Variants in UNC13B observed in about 807,000 individuals in gnomAD.
UNC13B encodes the protein unc-13 homolog B.
Under a neutral mutation model 211.0 loss-of-function variants are expected in UNC13B, and 144 were observed. That is an observed-to-expected ratio of 0.68 (90% CI 0.60 to 0.78). The LOEUF is 0.78. Ranked by LOEUF, UNC13B falls within the 30% of genes least tolerant of loss-of-function variation. The probability of loss-of-function intolerance (pLI) is 0.00; values close to 1 mark genes in which losing one functional copy is unlikely to be tolerated. For synonymous variants in UNC13B, 709 were observed against 725.8 expected (o/e 0.98, Z 0.37); for missense variants, 1,777 against 2,002.0 (o/e 0.89, Z 2.14).
At chr9:35,179,097 A>C (rs1821793884) in intron 1 of UNC13B, among the ~76,000 whole-genome samples, 1 of 152,104 alleles carries the variant, frequency 6.6e-6, no homozygotes, top group African/African-American at 2.4e-5. Flanking sequence ...AGCTGAATTT[A>C]CTTTTTTTGC....
At chr9:35,284,794 G>A (rs1828699987) in intron 7 of UNC13B, among the ~76,000 whole-genome samples, 1 of 152,154 alleles carries the variant, frequency 6.6e-6, no homozygotes, top group East Asian at 1.9e-4. Context: ...CTACAATTTA[G>A]TAGTTGATAG....
Position 35,301,068 on chromosome 9 carries a change from C to T in UNC13B, c.1664C>T (p.Thr555Ile), listed in dbSNP as rs1829657113. The T allele has an allele frequency of 5.0e-6, 2 of 398,880 alleles. No individual in the cohort carries two copies. The highest frequency in any genetic ancestry group is 8.9e-6 in the Non-Finnish European group (2 of 225,962). The allele number at this position is 398,880 out of a possible 1,614,324, so 24.7% of individuals were successfully genotyped here. A position where few individuals can be genotyped will look rare whatever the true frequency, so the allele number is the denominator to read the frequency against. ...GTGGGTTCAGGCACAAAGCATCTAA[C>T]AAACTCTGTGGAAAAGTTGGTTTCC... The part of the protein sequence containing the change: ...EKVGSGTKHL[T>I]NSVEKLVSLV... The change falls in exon 9 of 40, where the codon ACA (threonine) becomes ATA (isoleucine). Residue 555 changes from threonine to isoleucine, a missense_variant. Transcript: ENST00000635942.
At chr9:35,346,817 C>G (rs77383680) in intron 11 of UNC13B, among the ~76,000 whole-genome samples, 4,813 of 152,294 alleles carry the variant, frequency 0.032, 125 homozygotes, top group South Asian at 0.11. Flanking sequence ...CCTACTTACC[C>G]CATCCCAGCT....
intron 26 of UNC13B, among the ~76,000 whole-genome samples, chr9:35,393,621 G>C (rs1456211370): frequency 6.7e-6 from 1 of 148,770 alleles, no homozygotes; most frequent in Non-Finnish European, 1.5e-5. Flanking sequence ...ACCCAGGCTG[G>C]AGTGCAGTGG....
At position 35,308,008 on chromosome 9, in the gene UNC13B, C is replaced by T. The variant is rs937111227; in HGVS notation, c.8604C>T (p.Ser2868=). The T allele has an allele frequency of 2.5e-6, 1 of 399,070 alleles. No individual in the cohort carries two copies. The highest frequency in any genetic ancestry group is 4.4e-6 in the Non-Finnish European group (1 of 226,114). 24.7% of individuals were successfully genotyped at this position (399,070 alleles called of 1,614,324 possible). ...CCTCCCCTCCAGTTTTAGTTACTAG[C>T]AGTGATCAGGACCTTAACTCCAGTG... ...TESSPPVLVT[S]SDQDLNSSEA... Residue 2868 remains serine (S), a synonymous_variant, in exon 9 of 40, where the codon AGC becomes AGT. Transcript: ENST00000635942.
At chr9:35,242,880 CAA>C (rs1255321372) in intron 5 of UNC13B, among the ~76,000 whole-genome samples, 2 of 152,158 alleles carry the variant, frequency 1.3e-5, no homozygotes, top group Admixed American at 6.6e-5. Flanking sequence ...TTGAGCATCT[CAA>C]TATCTCAGCA....
At position 35,370,301 on chromosome 9, in the gene UNC13B, T is replaced by C. The variant is rs770749047; in HGVS notation, c.9462-17T>C. On this transcript the variant is annotated splice_polypyrimidine_tract_variant and intron_variant, in intron 12 of 39. Transcript: ENST00000635942. ...AAGCAAGACTGACGGTCCTGACATATTTTCTTCTCTCCTCAGGCCAGCCGG... is the reference window on the plus strand; with the variant it reads ...AAGCAAGACTGACGGTCCTGACATACTTTCTTCTCTCCTCAGGCCAGCCGG... 16 of 1,612,786 alleles carry C rather than the reference T, an allele frequency of 9.9e-6. No homozygotes were observed. In the African/African-American group the frequency reaches 1.7e-4, roughly 17 times the overall value.
At position 35,188,466 on chromosome 9, in the gene UNC13B, C is replaced by T. The variant is rs373380355; in HGVS notation, c.22+26161C>T. 7.7e-4 allele frequency among the ~76,000 whole-genome samples: 117 copies of T among 152,290 alleles called. 2 individuals are homozygous for T. In the South Asian group the frequency reaches 0.019, roughly 25 times the overall value. Reference sequence around the variant, plus strand: ...TTAGAAGTCACATGCAATTTTGGAACATATATTAGTATTCACCAAAATATA... The same window carrying T: ...TTAGAAGTCACATGCAATTTTGGAATATATATTAGTATTCACCAAAATATA... On this transcript the variant is annotated intron_variant, in intron 1 of 39. Coordinates refer to ENST00000635942, the MANE Select transcript of UNC13B (RefSeq NM_001371189.2).
rs773183539 is a variant in UNC13B at position 35,381,665 on chromosome 9, T to C, written c.10601T>C (p.Ile3534Thr). The change falls in exon 20 of 40, where the codon ATT (isoleucine) becomes ACT (threonine). Residue 3534 changes from isoleucine (I) to threonine (T), a missense_variant. Transcript: ENST00000635942. ...KVYFDETAQEIVDEFAMRYGI... is the reference protein window; with the variant it reads ...KVYFDETAQETVDEFAMRYGI... Reference sequence around the variant, plus strand: ...TACTTTGATGAGACAGCCCAAGAAATTGTGGATGAATTTGCCATGCGTTAT... The same window carrying C: ...TACTTTGATGAGACAGCCCAAGAAACTGTGGATGAATTTGCCATGCGTTAT... The C allele has an allele frequency of 1.2e-6, 2 of 1,614,132 alleles. No homozygotes were observed. The highest frequency in any genetic ancestry group is 2.2e-5 in the South Asian group (2 of 91,076).
rs1824956067 is a variant in UNC13B, at chr9:35,228,001, T to G, written c.23-14T>G. On this transcript the variant is annotated splice_polypyrimidine_tract_variant and intron_variant, in intron 1 of 39. Transcript: ENST00000635942. ...GGAAACATTCTTCATGGTATCCTCTTTTTTCTCTTGCAGTTAAAAGGGCCA... is the reference window on the plus strand; with the variant it reads ...GGAAACATTCTTCATGGTATCCTCTGTTTTCTCTTGCAGTTAAAAGGGCCA... 1 of 1,611,510 alleles carries G rather than the reference T, an allele frequency of 6.2e-7. No homozygotes were observed. Among genetic ancestry groups the G allele is most frequent in the East Asian group, 2.2e-5 (1 of 44,742 alleles).
Position 35,272,198 on chromosome 9 carries a change from A to C in UNC13B, c.526+13148A>C, listed in dbSNP as rs1827922507. On this transcript the variant is annotated intron_variant, in intron 7 of 39. Transcript: ENST00000635942. ...TATGTACGTAGAAAAACCACAAGGA[A>C]ATATAATTTTTTTGTTTTTTTTTTT... Among the ~76,000 whole-genome samples the C allele has an allele frequency of 2.3e-5, 3 of 132,896 alleles. No homozygotes were observed. The South Asian group carries it at 7.7e-4, about 34-fold the overall frequency. 87.2% of individuals were successfully genotyped at this position (132,896 alleles called of 152,430 possible).
In UNC13B at chr9:35,399,205, G is replaced by A. The variant is rs369779966; in HGVS notation, c.12119G>A (p.Arg4040His). The change falls in exon 34 of 40, where the codon CGT becomes CAT. Residue 4040 changes from arginine to histidine, a missense_variant. Transcript: ENST00000635942. ...ATVCEKTVLKRVLKELWRVVM... is the reference protein window; with the variant it reads ...ATVCEKTVLKHVLKELWRVVM... ...GTGTGTGAGAAGACGGTTCTGAAGCGTGTACTGAAGGAGCTCTGGCGCGTG... is the reference window on the plus strand; with the variant it reads ...GTGTGTGAGAAGACGGTTCTGAAGCATGTACTGAAGGAGCTCTGGCGCGTG... 5.4e-5 allele frequency: 87 copies of A among 1,614,128 alleles called. 1 individual carries two copies. The highest frequency in any genetic ancestry group is 3.5e-4 in the South Asian group (32 of 91,078).
intron 10 of UNC13B, among the ~76,000 whole-genome samples, chr9:35,312,084 A>G (rs1587596183): frequency 6.6e-6 from 1 of 152,178 alleles, no homozygotes; most frequent in East Asian, 1.9e-4. Flanking sequence ...CAGTTGTGAC[A>G]ATTAAAACTG....
In UNC13B at chr9:35,310,599, C is replaced by A; in HGVS notation, c.9141C>A (p.Ser3047Arg). 1 of 1,614,076 alleles carries A rather than the reference C, an allele frequency of 6.2e-7. No homozygotes were observed. The highest frequency in any genetic ancestry group is 1.1e-5 in the South Asian group (1 of 91,056). ...RETDSIHSCH[S>R]SHSLSRDGQA... Reference sequence around the variant, plus strand: ...CGGACTCGATTCATTCTTGCCACAGCTCTCACAGCCTGTCCAGAGATGGCC... The same window carrying A: ...CGGACTCGATTCATTCTTGCCACAGATCTCACAGCCTGTCCAGAGATGGCC... The change falls in exon 10 of 40, where the codon AGC becomes AGA. Residue 3047 changes from serine (S) to arginine (R), a missense_variant. Physicochemically the swap from Ser to Arg is moderately radical, Grantham distance 110 (BLOSUM62 -1). Transcript: ENST00000635942.
At chr9:35,273,932 A>G (rs1229404326) in intron 7 of UNC13B, among the ~76,000 whole-genome samples, 1 of 152,178 alleles carries the variant, frequency 6.6e-6, no homozygotes, top group African/African-American at 2.4e-5. Context: ...TGGACCCACC[A>G]CAGCCAGAGG....
At chr9:35,228,556 C>T (rs923548270) in intron 2 of UNC13B, among the ~76,000 whole-genome samples, 8 of 151,798 alleles carry the variant, frequency 5.3e-5, no homozygotes, top group African/African-American at 1.9e-4. Context: ...TCATGTCTTG[C>T]AGTTCATGAA....
intron 11 of UNC13B, among the ~76,000 whole-genome samples, chr9:35,359,597 C>T (rs1302808281): frequency 6.6e-6 from 1 of 152,202 alleles, no homozygotes; most frequent in African/African-American, 2.4e-5. Context: ...GTCTTTCTTA[C>T]CCATGAGTGG....
In UNC13B at chr9:35,377,622, G is replaced by T. The variant is rs1312800026; in HGVS notation, c.9990G>T (p.Val3330=). The change falls in exon 16 of 40, where the codon GTG becomes GTT. Residue 3330 remains valine, a synonymous_variant. Transcript: ENST00000635942. ...DVFTVNKAAH[V]QQMKTVKQSV... is the part of the protein sequence containing the mutation. ...TCACAGTGAACAAAGCTGCCCATGT[G>T]CAGCAGATGAAAACAGTGAAGCAGA... 1 of 1,614,212 alleles carries T rather than the reference G, an allele frequency of 6.2e-7. No individual in the cohort carries two copies. The highest frequency in any genetic ancestry group is 1.3e-5 in the African/African-American group (1 of 75,072).
chr9:35,259,898 AT>A (rs1476873396), intron 7 of UNC13B, among the ~76,000 whole-genome samples: 1 of 151,432 alleles, frequency 6.6e-6, no homozygotes, highest in Non-Finnish European at 1.5e-5. Flanking sequence ...TGATTGTAGC[AT>A]TTGTTGTTGT....
Sources: allele counts gnomAD v4.1 joint callset (sites outside exome capture counted in the v4.1 genomes callset), GRCh38; gene constraint gnomAD v4.1.1; transcripts MANE v1.5; gene names NCBI Gene and HGNC (gene_info 2026-07-23, HGNC 2026-07-21).